Variants in DPP10 observed in about 807,000 individuals in gnomAD.
The protein encoded by DPP10 is inactive dipeptidyl peptidase 10.
Under a neutral mutation model 120.9 loss-of-function variants are expected in DPP10, and 33 were observed. The observed-to-expected ratio is 0.27, with a 90% CI of 0.21 to 0.37. The LOEUF (loss-of-function observed/expected upper bound fraction) is 0.37, where lower values mean the gene tolerates loss of function less well. Among genes scored for constraint, DPP10 ranks in the 10% least tolerant of loss-of-function variants. The pLI, the probability that DPP10 is intolerant of heterozygous loss-of-function variation, is 1.00. For missense variants in DPP10, 816 were observed against 942.8 expected, an observed-to-expected ratio of 0.87 and a Z score of 1.76; for synonymous variants, 337 against 326.1, an observed-to-expected ratio of 1.03 and a Z score of -0.36.
intron 1 of DPP10, among the ~76,000 whole-genome samples, chr2:115,261,214 T>C (rs780562122): frequency 1.3e-5 from 2 of 152,230 alleles, no homozygotes; most frequent in African/African-American, 2.4e-5. Context: ...GCCGGATCTA[T>C]GCCATTTTGG....
chr2:114,796,428 C>T (rs1403989275), intron 1 of DPP10, among the ~76,000 whole-genome samples: 1 of 151,878 alleles, frequency 6.6e-6, no homozygotes. Flanking sequence ...ATGATTTTAA[C>T]ATTTTCTTTT....
chr2:115,269,799 G>A (rs2059612859), intron 1 of DPP10, among the ~76,000 whole-genome samples: 1 of 152,126 alleles, frequency 6.6e-6, no homozygotes, highest in African/African-American at 2.4e-5. Flanking sequence ...GATTATGGAA[G>A]GGCATAAATA....
At chr2:114,930,250 C>A (rs1254831077) in intron 1 of DPP10, among the ~76,000 whole-genome samples, 1 of 152,204 alleles carries the variant, frequency 6.6e-6, no homozygotes, top group Admixed American at 6.5e-5. Context: ...ATATTCTTCT[C>A]TACCGCATAG....
At chr2:114,449,893 G>A (rs1312701248) in intron 1 of DPP10, among the ~76,000 whole-genome samples, 1 of 152,052 alleles carries the variant, frequency 6.6e-6, no homozygotes, top group Non-Finnish European at 1.5e-5. Flanking sequence ...TCACCCGGGG[G>A]ATGAAAATTA....
At chr2:115,195,154 A>G (rs1487974141) in intron 1 of DPP10, among the ~76,000 whole-genome samples, 1 of 151,866 alleles carries the variant, frequency 6.6e-6, no homozygotes, top group Non-Finnish European at 1.5e-5. Flanking sequence ...TCTATTTTCT[A>G]CTCCTGAGAC....
At chr2:115,329,210 G>A (rs1032231290) in intron 2 of DPP10, among the ~76,000 whole-genome samples, 4 of 151,822 alleles carry the variant, frequency 2.6e-5, no homozygotes, top group South Asian at 2.1e-4. Flanking sequence ...TTTAATACAG[G>A]CACAGTTTGG....
chr2:115,623,335 G>A lies in DPP10; in HGVS notation c.442-66352G>A, dbSNP rs572413381. Among the ~76,000 whole-genome samples the A allele has an allele frequency of 4.6e-5, 7 of 152,282 alleles. No homozygotes were observed. The South Asian group carries it at 6.2e-4, about 14-fold the overall frequency. ...CATGTTTTATTTACAAGTGATTGGC[G>A]TATGTCAGGATGTTTAGTGAGCGAT... On this transcript the variant is annotated intron_variant, in intron 5 of 25. Transcript: ENST00000410059.
intron 7 of DPP10, among the ~76,000 whole-genome samples, chr2:115,723,408 C>A (rs1230594110): frequency 6.6e-6 from 1 of 152,074 alleles, no homozygotes; most frequent in Non-Finnish European, 1.5e-5. Context: ...TATTCTTTTC[C>A]AAGCACAAAT....
intron 7 of DPP10, among the ~76,000 whole-genome samples, chr2:115,698,124 C>G (rs1252429263): frequency 6.6e-5 from 10 of 152,138 alleles, no homozygotes; most frequent in Non-Finnish European, 1.3e-4. Context: ...CATTTTGCCA[C>G]CTATTAAGTC....
At chr2:114,697,643 G>A (rs1700143303) in intron 1 of DPP10, among the ~76,000 whole-genome samples, 1 of 150,972 alleles carries the variant, frequency 6.6e-6, no homozygotes, top group Admixed American at 6.6e-5. Flanking sequence ...CCAGCTACTT[G>A]AGAGGCTAAG....
At chr2:114,461,448 C>A in intron 1 of DPP10, 1 of 357,166 alleles carries the variant, frequency 2.8e-6, no homozygotes, top group Non-Finnish European at 3.9e-6. Flanking sequence ...TCCATGGTTG[C>A]GGTCTTTCAA....
Position 115,688,627 on chromosome 2 carries a change from A to G in DPP10, c.442-1060A>G, listed in dbSNP as rs1331875166. ...AGAGAAAAATAATTTTCACAGAAAT[A>G]TACTCATCATCTCTTTCCCTAACCC... is the stretch of plus-strand genomic sequence containing the variant. On this transcript the variant is annotated intron_variant, in intron 5 of 25. Coordinates refer to ENST00000410059, the MANE Select transcript of DPP10 (RefSeq NM_020868.6). Among the ~76,000 whole-genome samples, 3 of 152,246 alleles carry G rather than the reference A, an allele frequency of 2.0e-5. No homozygotes were observed. The East Asian group carries it at 5.8e-4, about 29-fold the overall frequency.
At chr2:114,720,303 T>C (rs560356297) in intron 1 of DPP10, among the ~76,000 whole-genome samples, 13 of 152,304 alleles carry the variant, frequency 8.5e-5, no homozygotes, top group African/African-American at 3.1e-4. Flanking sequence ...AATATATTTT[T>C]GTCTTTTTAG....
chr2:114,623,734 G>A (rs919845728), intron 1 of DPP10, among the ~76,000 whole-genome samples: 1 of 151,984 alleles, frequency 6.6e-6, no homozygotes, highest in Admixed American at 6.6e-5. Context: ...TCAAACAGAT[G>A]GACTTAAATT....
At chr2:114,619,651 G>T (rs1573807712) in intron 1 of DPP10, among the ~76,000 whole-genome samples, 1 of 152,068 alleles carries the variant, frequency 6.6e-6, no homozygotes, top group Admixed American at 6.6e-5. Flanking sequence ...AAGCATTGAT[G>T]GCAGCATATC....
At chr2:115,810,554 C>T (rs2150018839) in intron 19 of DPP10, among the ~76,000 whole-genome samples, 1 of 152,166 alleles carries the variant, frequency 6.6e-6, no homozygotes, top group East Asian at 1.9e-4. Flanking sequence ...TCCATACAGA[C>T]ACATTCAGTG....
intron 1 of DPP10, among the ~76,000 whole-genome samples, chr2:114,942,302 T>C (rs866259565): frequency 1.6e-5 from 2 of 121,534 alleles, no homozygotes; most frequent in Middle Eastern, 3.5e-3. Flanking sequence ...TATATACATA[T>C]ATATATATAT....
intron 1 of DPP10, among the ~76,000 whole-genome samples, chr2:114,452,864 T>G (rs1273718243): frequency 2.0e-5 from 3 of 152,180 alleles, no homozygotes; most frequent in Non-Finnish European, 4.4e-5. Context: ...GATTACATGG[T>G]TTCTTCAGTT....
intron 1 of DPP10, among the ~76,000 whole-genome samples, chr2:114,641,669 T>C (rs1415988460): frequency 6.6e-6 from 1 of 151,984 alleles, no homozygotes; most frequent in African/African-American, 2.4e-5. Context: ...GAGGAACTTT[T>C]AAAAGTCCAG....
Sources: gnomAD v4.1 joint callset for allele counts (sites outside exome capture counted in the v4.1 genomes callset) on GRCh38, gnomAD v4.1.1 for gene constraint, MANE v1.5 for transcripts, NCBI Gene and HGNC (gene_info 2026-07-23, HGNC 2026-07-21) for gene names.